MAPK10: variants seen among roughly 807,000 people sequenced by gnomAD.
The protein encoded by MAPK10 is JNK3 alpha protein kinase.
A neutral mutation model predicts 59.3 loss-of-function variants in MAPK10; 25 were observed. The observed-to-expected ratio is 0.42, with a 90% confidence interval of 0.31 to 0.59. The LOEUF (loss-of-function observed/expected upper bound fraction) is 0.59. MAPK10 is among the 20% of genes least tolerant of loss of function. The pLI, the probability that MAPK10 is intolerant of heterozygous loss-of-function variation, is 0.15. For synonymous variants in MAPK10, 190 were observed against 200.5 expected (o/e 0.95, Z 0.44); for missense variants, 351 against 568.9 (o/e 0.62, Z 3.90).
chr4:86,262,408 C>T (rs995042343), intron 2 of MAPK10, among the ~76,000 whole-genome samples: 4 of 152,048 alleles, frequency 2.6e-5, no homozygotes, highest in South Asian at 2.1e-4. Flanking sequence ...CTGTTGTAGC[C>T]GCATAAAGCA....
chr4:86,584,776 A>G (rs1235132289), intron 1 of MAPK10, among the ~76,000 whole-genome samples: 1 of 152,146 alleles, frequency 6.6e-6, no homozygotes, highest in African/African-American at 2.4e-5. Flanking sequence ...ACTGGAATCT[A>G]GTTTGTAGAC....
chr4:86,490,564 T>C (rs1564942192), intron 1 of MAPK10, among the ~76,000 whole-genome samples: 2 of 152,232 alleles, frequency 1.3e-5, no homozygotes, highest in Non-Finnish European at 2.9e-5. Flanking sequence ...CCTTCTATTT[T>C]GATCTCTAGA....
chr4:86,276,109 G>A (rs985772444), intron 2 of MAPK10, among the ~76,000 whole-genome samples: 9 of 152,032 alleles, frequency 5.9e-5, no homozygotes, highest in Non-Finnish European at 8.8e-5. Flanking sequence ...ATTTCCAGCA[G>A]AAATTTTGTG....
At chr4:86,436,538 T>A (rs1748747551) in intron 1 of MAPK10, among the ~76,000 whole-genome samples, 1 of 152,172 alleles carries the variant, frequency 6.6e-6, no homozygotes, top group Admixed American at 6.5e-5. Context: ...AATTGTTTTT[T>A]AAATTTTCAT....
chr4:86,150,412 T>C (rs953937731), intron 4 of MAPK10, among the ~76,000 whole-genome samples: 1 of 152,054 alleles, frequency 6.6e-6, no homozygotes, highest in Non-Finnish European at 1.5e-5. Flanking sequence ...AATTCATCCA[T>C]ATAACAAAAA....
At chr4:86,313,086 T>C (rs962105593) in intron 2 of MAPK10, among the ~76,000 whole-genome samples, 1 of 152,086 alleles carries the variant, frequency 6.6e-6, no homozygotes, top group African/African-American at 2.4e-5. Flanking sequence ...TACATATATA[T>C]ACACACACAT....
chr4:86,066,076 A>C (rs2046676666), intron 10 of MAPK10, among the ~76,000 whole-genome samples: 1 of 152,150 alleles, frequency 6.6e-6, no homozygotes. Context: ...GTAGCAATTA[A>C]TTTTTTACCT....
chr4:86,560,040 T>C (rs1760558370), intron 1 of MAPK10, among the ~76,000 whole-genome samples: 2 of 152,234 alleles, frequency 1.3e-5, no homozygotes, highest in Non-Finnish European at 2.9e-5. Context: ...TCATGTTGTA[T>C]TGTAAAGACA....
At chr4:86,445,193 G>C (rs1013052612) in intron 1 of MAPK10, among the ~76,000 whole-genome samples, 1 of 152,120 alleles carries the variant, frequency 6.6e-6, no homozygotes, top group African/African-American at 2.4e-5. Context: ...TGATAAACTG[G>C]ATAAAGGAAA....
chr4:86,424,556 C>T (rs1003086877), intron 1 of MAPK10, among the ~76,000 whole-genome samples: 1 of 152,064 alleles, frequency 6.6e-6, no homozygotes, highest in Non-Finnish European at 1.5e-5. Context: ...CACACTCTGC[C>T]TAGTCTGTTT....
At chr4:86,223,663 C>T (rs1450529486) in intron 2 of MAPK10, among the ~76,000 whole-genome samples, 2 of 152,162 alleles carry the variant, frequency 1.3e-5, no homozygotes, top group African/African-American at 4.8e-5. Flanking sequence ...AATCTCACCC[C>T]TCCCTCTTCT....
chr4:86,021,066 G>C (rs1169263239), intron 13 of MAPK10, among the ~76,000 whole-genome samples: 3 of 152,120 alleles, frequency 2.0e-5, no homozygotes, highest in African/African-American at 7.2e-5. Flanking sequence ...GGTTCTCCAC[G>C]TCCCCATCAG....
chr4:86,029,484 G>T (rs1403083233), intron 12 of MAPK10, among the ~76,000 whole-genome samples: 1 of 152,034 alleles, frequency 6.6e-6, no homozygotes, highest in Admixed American at 6.6e-5. Context: ...AGCAGTTGAA[G>T]AAATCAATGC....
intron 1 of MAPK10, among the ~76,000 whole-genome samples, chr4:86,442,204 A>G (rs1749497120): frequency 6.6e-6 from 1 of 152,224 alleles, no homozygotes; most frequent in Non-Finnish European, 1.5e-5. Context: ...TGAATATGGT[A>G]GAACTTGTGA....
At chr4:86,138,868 C>T (rs1294413203) in intron 4 of MAPK10, among the ~76,000 whole-genome samples, 1 of 152,006 alleles carries the variant, frequency 6.6e-6, no homozygotes, top group Non-Finnish European at 1.5e-5. Context: ...GTGCAAAAAT[C>T]ACAAGCATTC....
chr4:86,267,376 T>C (rs1028175073), intron 2 of MAPK10, among the ~76,000 whole-genome samples: 2 of 152,174 alleles, frequency 1.3e-5, no homozygotes, highest in Non-Finnish European at 2.9e-5. Context: ...AAGGCTTTCA[T>C]GCTCTGTGTA....
intron 9 of MAPK10, among the ~76,000 whole-genome samples, chr4:86,088,066 A>C (rs1259716101): frequency 6.6e-6 from 1 of 152,182 alleles, no homozygotes; most frequent in Non-Finnish European, 1.5e-5. Context: ...TTCATAAGTG[A>C]CTAAGTGTAG....
chr4:86,382,798 C>T (rs1330878841), intron 1 of MAPK10, among the ~76,000 whole-genome samples: 3 of 152,130 alleles, frequency 2.0e-5, no homozygotes, highest in Non-Finnish European at 2.9e-5. Flanking sequence ...TTCTGTTTCT[C>T]AGTAGTGTCA....
intron 1 of MAPK10, among the ~76,000 whole-genome samples, chr4:86,514,168 A>G (rs1041989191): frequency 6.6e-6 from 1 of 152,196 alleles, no homozygotes; most frequent in African/African-American, 2.4e-5. Context: ...AGCCATGAAG[A>G]CAGAATTCTC....
Sources: gnomAD v4.1 joint callset for allele counts (sites outside exome capture counted in the v4.1 genomes callset) on GRCh38, gnomAD v4.1.1 for gene constraint, MANE v1.5 for transcripts, NCBI Gene and HGNC (gene_info 2026-07-23, HGNC 2026-07-21) for gene names.